The following NELL1 variants were observed in gnomAD, a reference collection of about 807,000 sequenced individuals.
NELL1 encodes the protein neural EGFL like 1.
NELL1 carries 76 observed loss-of-function variants against 107.4 expected under a neutral mutation model. The observed-to-expected ratio is 0.71, with a 90% CI of 0.59 to 0.86. The LOEUF (loss-of-function observed/expected upper bound fraction) is 0.86, where lower values mean the gene tolerates loss of function less well. NELL1 is among the 40% of genes least tolerant of loss of function. The pLI, the probability that NELL1 is intolerant of heterozygous loss-of-function variation, is 0.00. For missense variants in NELL1, 1,024 were observed against 1,005.5 expected, an observed-to-expected ratio of 1.02 and a Z score of -0.25; for synonymous variants, 353 against 341.2, an observed-to-expected ratio of 1.03 and a Z score of -0.38.
intron 15 of NELL1, among the ~76,000 whole-genome samples, chr11:21,438,751 T>C (rs1370735001): frequency 1.3e-5 from 2 of 151,884 alleles, no homozygotes; most frequent in Non-Finnish European, 2.9e-5. Flanking sequence ...AGGCTGTCAA[T>C]TGTATTTTTA....
At chr11:21,501,215 A>C (rs1855132454) in intron 15 of NELL1, among the ~76,000 whole-genome samples, 1 of 152,156 alleles carries the variant, frequency 6.6e-6, no homozygotes, top group Admixed American at 6.5e-5. Flanking sequence ...GATATCTCAG[A>C]AACTTTTCCA....
intron 15 of NELL1, among the ~76,000 whole-genome samples, chr11:21,513,096 G>A (rs1245109740): frequency 6.6e-6 from 1 of 152,150 alleles, no homozygotes; most frequent in Non-Finnish European, 1.5e-5. Flanking sequence ...GGGACCCCAG[G>A]CAGCCCTACT....
intron 9 of NELL1, 64 bp downstream of exon 9, chr11:20,928,543 T>G: frequency 7.6e-7 from 1 of 1,324,484 alleles, no homozygotes; most frequent in Non-Finnish European, 1.1e-6. Flanking sequence ...TTATTTTCCC[T>G]GTTTTTCTGG....
At chr11:20,953,198 G>A (rs1457312613) in intron 11 of NELL1, among the ~76,000 whole-genome samples, 2 of 152,118 alleles carry the variant, frequency 1.3e-5, no homozygotes, top group Admixed American at 1.3e-4. Flanking sequence ...GAATATGAGA[G>A]GTATTGACGT....
intron 3 of NELL1, among the ~76,000 whole-genome samples, chr11:20,827,515 C>A (rs1857909540): frequency 1.3e-5 from 2 of 151,266 alleles, no homozygotes; most frequent in Admixed American, 6.7e-5. Context: ...GAGGCCTAGA[C>A]TCTGTCCACT....
chr11:20,818,157 T>C (rs1857664799), intron 3 of NELL1, among the ~76,000 whole-genome samples: 1 of 152,210 alleles, frequency 6.6e-6, no homozygotes, highest in Non-Finnish European at 1.5e-5. Flanking sequence ...GTTTTCTTTT[T>C]CAGTGATCTA....
At chr11:20,852,737 C>A (rs1398657609) in intron 4 of NELL1, among the ~76,000 whole-genome samples, 1 of 152,104 alleles carries the variant, frequency 6.6e-6, no homozygotes, top group Non-Finnish European at 1.5e-5. Flanking sequence ...AACAGAAATA[C>A]AAGAGCACAA....
intron 17 of NELL1, among the ~76,000 whole-genome samples, chr11:21,563,347 T>G (rs916836872): frequency 1.5e-4 from 23 of 152,056 alleles, no homozygotes; most frequent in Non-Finnish European, 1.2e-4. Flanking sequence ...GTTGTGTTTA[T>G]GTTGCAGATC....
chr11:20,786,742 T>C (rs557447090), intron 3 of NELL1, among the ~76,000 whole-genome samples: 155 of 151,744 alleles, frequency 1.0e-3, no homozygotes, highest in South Asian at 3.8e-3. Flanking sequence ...GGCGCGGTGG[T>C]TTACACCTGT....
chr11:20,755,558 T>TATTTTTTATTTTTTTTTA (rs1564895070), intron 2 of NELL1, among the ~76,000 whole-genome samples: 5 of 16,432 alleles, frequency 3.0e-4, no homozygotes, highest in African/African-American at 5.3e-4. Context: ...TTGTTTTTGT[T>TATTTTTTATTTTTTTTTA]TTTGTTTTTT....
intron 14 of NELL1, among the ~76,000 whole-genome samples, chr11:21,246,913 G>A (rs1463893951): frequency 3.3e-5 from 5 of 152,168 alleles, no homozygotes; most frequent in African/African-American, 1.2e-4. Context: ...CACAAGAACA[G>A]TATGGGGGAA....
At chr11:20,741,402 T>C (rs552642059) in intron 2 of NELL1, among the ~76,000 whole-genome samples, 47 of 152,338 alleles carry the variant, frequency 3.1e-4, no homozygotes, top group African/African-American at 1.1e-3. Context: ...GAAGGGCTTC[T>C]ATTCATCTCT....
chr11:21,290,388 A>T (rs1399207488), intron 14 of NELL1, among the ~76,000 whole-genome samples: 116 of 107,370 alleles, frequency 1.1e-3, no homozygotes, highest in African/African-American at 3.9e-3. Context: ...ATAAATAAAT[A>T]AAATAAATAG....
intron 10 of NELL1, among the ~76,000 whole-genome samples, chr11:20,943,429 A>G (rs1418729431): frequency 6.6e-6 from 1 of 151,982 alleles, no homozygotes; most frequent in Non-Finnish European, 1.5e-5. Flanking sequence ...CTAAAATACA[A>G]AAAATTAGCC....
rs188639837 is a variant in NELL1, at chr11:21,144,188, T to C, written c.1426+30474T>C. On this transcript the variant is annotated intron_variant, in intron 13 of 19. Coordinates refer to ENST00000357134, the MANE Select transcript of NELL1 (RefSeq NM_006157.5). ...TGTGTAAGGGAAACAGCAAGTCAAGTGCATTGCAATGTTATTGTCTGCAGG... is the reference window on the plus strand; with the variant it reads ...TGTGTAAGGGAAACAGCAAGTCAAGCGCATTGCAATGTTATTGTCTGCAGG... 8.3e-3 allele frequency among the ~76,000 whole-genome samples: 1,267 copies of C among 152,274 alleles called. 15 individuals carry two copies. Among genetic ancestry groups the C allele is most frequent in the African/African-American group, 0.029 (1,185 of 41,548 alleles).
chr11:20,885,913 G>A (rs1414041945), intron 5 of NELL1, among the ~76,000 whole-genome samples: 1 of 152,178 alleles, frequency 6.6e-6, no homozygotes. Context: ...TCCCTTCTCA[G>A]ATTATATGTT....
chr11:20,671,034 C>G (rs931158165), intron 1 of NELL1: 1 of 152,348 alleles, frequency 6.6e-6, no homozygotes, highest in African/African-American at 2.4e-5. Flanking sequence ...GGGCCCTTCC[C>G]ACTTCCCCAG....
intron 17 of NELL1, among the ~76,000 whole-genome samples, chr11:21,570,387 G>A (rs910864421): frequency 7.9e-5 from 12 of 151,792 alleles, no homozygotes; most frequent in Admixed American, 4.6e-4. Context: ...ATTTGAATAT[G>A]TTAAGTGGTA....
In NELL1 at chr11:20,825,198, C is replaced by T. The variant is rs748123211; in HGVS notation, c.336-22385C>T. Among the ~76,000 whole-genome samples, 9 of 151,270 alleles carry T rather than the reference C, an allele frequency of 5.9e-5. 1 individual carries two copies. The highest frequency in any genetic ancestry group is 4.2e-4 in the South Asian group (2 of 4,806). On this transcript the variant is annotated intron_variant, in intron 3 of 19. Coordinates refer to ENST00000357134, the MANE Select transcript of NELL1 (RefSeq NM_006157.5). ...GCTTATCCAAGCACAGTTTGCTGTA[C>T]GGACAAAACTCTCATAGAGAACCTC...
Sources: allele counts gnomAD v4.1 joint callset (sites outside exome capture counted in the v4.1 genomes callset), GRCh38; gene constraint gnomAD v4.1.1; transcripts MANE v1.5; gene names NCBI Gene and HGNC (gene_info 2026-07-23, HGNC 2026-07-21).